Variants in FMNL2 observed in about 807,000 individuals in gnomAD.
FMNL2 encodes formin-like protein 2.
FMNL2 carries 51 observed loss-of-function variants against 130.2 expected under a neutral mutation model. That is an observed-to-expected ratio of 0.39 (90% CI 0.31 to 0.49). The LOEUF is 0.49. Ranked by LOEUF, FMNL2 falls within the 20% of genes least tolerant of loss-of-function variation. The pLI is 0.85. For synonymous variants in FMNL2, 465 were observed against 467.1 expected, an observed-to-expected ratio of 1.00 and a Z score of 0.06; for missense variants, 977 against 1,316.2, an observed-to-expected ratio of 0.74 and a Z score of 3.99.
chr2:152,619,688 C>G lies in FMNL2; in HGVS notation c.1807C>G (p.Pro603Ala), dbSNP rs369920196. ...ACCTCCGCTGCCTGGAACATCTTCA[C>G]CCACAGTGGTTTTCAACTCAGGATT... ...SAPPLPGTSS[P>A]TVVFNSGLAA... The change falls in exon 15 of 26, where the codon CCC becomes GCC. Residue 603 changes from proline (P) to alanine (A), a missense_variant. This residue lies in a region of FMNL2 where 689 missense variants were observed against 995.9 expected (regional missense o/e 0.69). Transcript: ENST00000288670. 6.2e-7 allele frequency: 1 copy of G among 1,612,390 alleles called. No individual in the cohort carries two copies. Among genetic ancestry groups the G allele is most frequent in the Non-Finnish European group, 8.5e-7 (1 of 1,179,608 alleles).
chr2:152,589,940 CATATATATATATATATATATATATAT>C (rs771625998), intron 9 of FMNL2, among the ~76,000 whole-genome samples: 676 of 67,042 alleles, frequency 0.01, 27 homozygotes, highest in African/African-American at 0.036. Context: ...TGGCTTTATA[CATATATATATATATATATATATATAT>C]ATATATATAT....
At chr2:152,643,539 TA>T in intron 25 of FMNL2, 3 of 1,535,984 alleles carry the variant, frequency 2.0e-6, no homozygotes, top group Non-Finnish European at 2.6e-6. Flanking sequence ...CTGATGCTCT[TA>T]AAAGGTTGCT....
At chr2:152,507,028 A>G (rs151132462) in intron 1 of FMNL2, among the ~76,000 whole-genome samples, 19 of 152,354 alleles carry the variant, frequency 1.2e-4, no homozygotes, top group East Asian at 9.6e-4. Flanking sequence ...TCGCAAAGGT[A>G]AGATGTTATG....
rs115589521 is a variant in FMNL2 at position 152,546,358 on chromosome 2, C to T, written c.283-2663C>T. On this transcript the variant is annotated intron_variant, in intron 3 of 25. Coordinates refer to ENST00000288670, the MANE Select transcript of FMNL2 (RefSeq NM_052905.4). The stretch of plus-strand genomic sequence containing the variant: ...ATCATGGCGGAAGGCTAAGGGGGAG[C>T]GGGTGTGTCACATGGTGAGCAAGAG... Among the ~76,000 whole-genome samples the T allele has an allele frequency of 4.4e-3, 669 of 152,034 alleles. 8 individuals carry two copies. The highest frequency in any genetic ancestry group is 0.015 in the African/African-American group (629 of 41,452).
chr2:152,568,223 T>TTTTTTTTTTTTTTTTGTTTTTG (rs1553478445), intron 6 of FMNL2, among the ~76,000 whole-genome samples: 3 of 132,276 alleles, frequency 2.3e-5, no homozygotes, highest in East Asian at 2.2e-4. Flanking sequence ...GGTGGGTTTT[T>TTTTTTTTTTTTTTTTGTTTTTG]TTTTTTTTTT....
At chr2:152,640,687 G>C (rs1442325337) in intron 24 of FMNL2, 104 bp from the exon 25 acceptor site, 1 of 1,400,338 alleles carries the variant, frequency 7.1e-7, no homozygotes, top group East Asian at 2.5e-5. Flanking sequence ...TGTGTTTTTG[G>C]CCGAAGCTGC....
chr2:152,349,342 A>G (rs1023208991), intron 1 of FMNL2, among the ~76,000 whole-genome samples: 1 of 152,112 alleles, frequency 6.6e-6, no homozygotes, highest in Non-Finnish European at 1.5e-5. Context: ...GCTCATGACA[A>G]CTTTTCCAGG....
At chr2:152,607,164 G>T (rs1698417687) in intron 9 of FMNL2, among the ~76,000 whole-genome samples, 175 bp from the exon 10 acceptor site, 1 of 151,990 alleles carries the variant, frequency 6.6e-6, no homozygotes, top group Non-Finnish European at 1.5e-5. Flanking sequence ...ATCAGCTTTT[G>T]GTTGCAGCTC....
chr2:152,521,372 AG>A (rs1488013271), intron 1 of FMNL2, among the ~76,000 whole-genome samples: 2 of 152,210 alleles, frequency 1.3e-5, no homozygotes, highest in Non-Finnish European at 2.9e-5. Context: ...AAACCAATAT[AG>A]CTCAACTGAG....
At chr2:152,578,260 G>T (rs781091406) in intron 7 of FMNL2, among the ~76,000 whole-genome samples, 2 of 152,146 alleles carry the variant, frequency 1.3e-5, no homozygotes, top group Non-Finnish European at 2.9e-5. Flanking sequence ...ATTTTGTGGG[G>T]TGTGAGGGGT....
chr2:152,338,890 G>A (rs1681642103), intron 1 of FMNL2, among the ~76,000 whole-genome samples: 2 of 150,088 alleles, frequency 1.3e-5, no homozygotes, highest in South Asian at 4.2e-4. Context: ...TATGTGCAAT[G>A]TTTCTGTTAT....
chr2:152,530,363 A>AAC lies in FMNL2; in HGVS notation c.201+8351_201+8352dup, dbSNP rs143717626. Among the ~76,000 whole-genome samples the AAC allele has an allele frequency of 8.0e-3, 1,207 of 151,506 alleles. 17 individuals carry two copies. The highest frequency in any genetic ancestry group is 0.027 in the African/African-American group (1,111 of 41,384). On this transcript the variant is annotated intron_variant, in intron 2 of 25. Transcript: ENST00000288670. ...TGTTGTTGCTCACCTTTCACACACAAACACACACACACACAGTCAAAGGGC... is the reference window on the plus strand; with the variant it reads ...TGTTGTTGCTCACCTTTCACACACAAACACACACACACACACAGTCAAAGGGC...
At chr2:152,391,093 C>T (rs1007521721) in intron 1 of FMNL2, among the ~76,000 whole-genome samples, 1 of 152,218 alleles carries the variant, frequency 6.6e-6, no homozygotes, top group Non-Finnish European at 1.5e-5. Flanking sequence ...CAATTACCAT[C>T]TGTTGTTGCA....
chr2:152,371,909 C>A (rs1683907813), intron 1 of FMNL2, among the ~76,000 whole-genome samples: 1 of 152,098 alleles, frequency 6.6e-6, no homozygotes, highest in South Asian at 2.1e-4. Flanking sequence ...TCCCCACCAG[C>A]AAGAAAGCCC....
chr2:152,429,998 C>T (rs191683202), intron 1 of FMNL2, among the ~76,000 whole-genome samples: 6 of 152,070 alleles, frequency 3.9e-5, no homozygotes. Flanking sequence ...TGGCATACGT[C>T]GTTTACTTAC....
intron 1 of FMNL2, among the ~76,000 whole-genome samples, chr2:152,519,174 T>G (rs1388605659): frequency 6.6e-6 from 1 of 152,186 alleles, no homozygotes; most frequent in Non-Finnish European, 1.5e-5. Flanking sequence ...CATTTGTTAC[T>G]TTTTCCTGAG....
At chr2:152,359,091 T>C (rs960119533) in intron 1 of FMNL2, among the ~76,000 whole-genome samples, 4 of 152,224 alleles carry the variant, frequency 2.6e-5, no homozygotes, top group Admixed American at 2.6e-4. Flanking sequence ...TCTAGGAGCT[T>C]ACAGTGTATT....
chr2:152,409,519 G>T (rs1230569801), intron 1 of FMNL2, among the ~76,000 whole-genome samples: 1 of 152,186 alleles, frequency 6.6e-6, no homozygotes. Context: ...TGTGAGTGAG[G>T]TCATGGAGAA....
intron 1 of FMNL2, among the ~76,000 whole-genome samples, chr2:152,404,348 C>T (rs906588431): frequency 2.6e-5 from 4 of 152,132 alleles, no homozygotes; most frequent in Admixed American, 2.0e-4. Context: ...CCTCACATCC[C>T]ATAGCATTGC....
Sources: gnomAD v4.1 joint callset for allele counts (sites outside exome capture counted in the v4.1 genomes callset) on GRCh38, gnomAD v4.1.1 for gene constraint, gnomAD v4.1.1 regional missense constraint, MANE v1.5 for transcripts, NCBI Gene and HGNC (gene_info 2026-07-23, HGNC 2026-07-21) for gene names.